Variants in RASGRF2 observed in about 807,000 individuals in gnomAD.
RASGRF2 encodes the protein Ras protein specific guanine nucleotide releasing factor 2.
Under a neutral mutation model 151.0 loss-of-function variants are expected in RASGRF2, and 76 were observed. That is an observed-to-expected ratio of 0.50 (90% CI 0.42 to 0.61). The LOEUF is 0.61. Among genes scored for constraint, RASGRF2 ranks in the 20% least tolerant of loss-of-function variants. RASGRF2 has a pLI of 0.00. For missense variants in RASGRF2, 1,148 were observed against 1,564.6 expected (o/e 0.73, Z 4.49); for synonymous variants, 504 against 566.5 (o/e 0.89, Z 1.57).
In RASGRF2 at chr5:80,960,655, G is replaced by T; in HGVS notation, c.-84G>T. 1 of 1,232,920 alleles carries T rather than the reference G, an allele frequency of 8.1e-7. No homozygotes were observed. The highest frequency in any genetic ancestry group is 1.0e-6 in the Non-Finnish European group (1 of 963,876). 76.4% of individuals were successfully genotyped at this position (1,232,920 alleles called of 1,614,324 possible). ...TTCGCCGGCCGGGACCTGAGCGGTC[G>T]CGCCCTCGAGGGAGCCAGCTGGGCC... On this transcript the variant is annotated 5_prime_UTR_variant, in exon 1 of 27. Coordinates refer to ENST00000265080, the MANE Select transcript of RASGRF2 (RefSeq NM_006909.3). This position sits in a 1 kb window ranked among gnomAD's most constrained non-coding sequence, Gnocchi z 5.5.
chr5:81,104,168 T>C (rs1752778982), intron 12 of RASGRF2, among the ~76,000 whole-genome samples: 1 of 152,122 alleles, frequency 6.6e-6, no homozygotes, highest in South Asian at 2.1e-4. Flanking sequence ...TTTACATCCT[T>C]AACAGAAAAA....
intron 15 of RASGRF2, among the ~76,000 whole-genome samples, chr5:81,123,075 G>A (rs1057196507): frequency 6.6e-6 from 1 of 152,158 alleles, no homozygotes; most frequent in African/African-American, 2.4e-5. Flanking sequence ...TCAATGTAGT[G>A]CAAGTGGGAA....
chr5:81,207,177 C>A, intron 20 of RASGRF2, 69 bp from the exon 21 acceptor site: 1 of 1,311,622 alleles, frequency 7.6e-7, no homozygotes, highest in South Asian at 1.3e-5. Context: ...CTGTCTGCCT[C>A]ACTGACCTGC....
At chr5:81,139,813 T>C (rs1026169473) in intron 17 of RASGRF2, among the ~76,000 whole-genome samples, 1 of 152,072 alleles carries the variant, frequency 6.6e-6, no homozygotes, top group Non-Finnish European at 1.5e-5. Flanking sequence ...CACATCCCAT[T>C]GGAATTCAGA....
intron 1 of RASGRF2, among the ~76,000 whole-genome samples, chr5:81,026,555 G>T (rs1318101305): frequency 2.0e-5 from 3 of 152,150 alleles, no homozygotes; most frequent in Non-Finnish European, 2.9e-5. Flanking sequence ...AAACAGAAAA[G>T]AAATAAGTAG....
At chr5:81,005,762 G>A (rs1749248393) in intron 1 of RASGRF2, among the ~76,000 whole-genome samples, 1 of 152,124 alleles carries the variant, frequency 6.6e-6, no homozygotes, top group African/African-American at 2.4e-5. Context: ...ACTGAAGAGT[G>A]GAGAGACATA....
intron 1 of RASGRF2, among the ~76,000 whole-genome samples, chr5:80,983,458 C>T (rs1253395785): frequency 2.6e-5 from 4 of 152,220 alleles, no homozygotes; most frequent in Non-Finnish European, 5.9e-5. Flanking sequence ...TGCTCTTCAT[C>T]CTGAGGATGT....
chr5:81,025,947 C>G (rs1301739133), intron 1 of RASGRF2, among the ~76,000 whole-genome samples: 5 of 151,604 alleles, frequency 3.3e-5, no homozygotes, highest in Non-Finnish European at 7.4e-5. Context: ...CCTCCCTCCC[C>G]ACACGGCCCT....
chr5:81,217,206 C>G (rs142510330), intron 24 of RASGRF2, 150 bp from the exon 25 acceptor site: 2 of 1,148,892 alleles, frequency 1.7e-6, no homozygotes, highest in African/African-American at 3.1e-5. Context: ...TAAAATTCTG[C>G]GTATTATGAA....
At chr5:81,136,062 G>T (rs1753745617) in intron 17 of RASGRF2, among the ~76,000 whole-genome samples, 1 of 152,158 alleles carries the variant, frequency 6.6e-6, no homozygotes, top group Non-Finnish European at 1.5e-5. Context: ...GCCCAGGCTG[G>T]AGTGCAGTGG....
chr5:81,007,020 C>T (rs1230011800), intron 1 of RASGRF2, among the ~76,000 whole-genome samples: 1 of 152,184 alleles, frequency 6.6e-6, no homozygotes, highest in Admixed American at 6.5e-5. Flanking sequence ...ATCTCCCTTT[C>T]TCCTCAGAAG....
chr5:81,170,192 T>TTATCACCTGCACCACCTG (rs1288504704), intron 17 of RASGRF2, among the ~76,000 whole-genome samples: 5 of 150,524 alleles, frequency 3.3e-5, no homozygotes, highest in Middle Eastern at 7.1e-3. Context: ...TGCACCACTG[T>TTATCACCTGCACCACCTG]TATCACCTGC....
intron 16 of RASGRF2, among the ~76,000 whole-genome samples, chr5:81,125,220 T>G (rs1006804707): frequency 1.3e-5 from 2 of 152,110 alleles, no homozygotes; most frequent in Non-Finnish European, 2.9e-5. Flanking sequence ...TAGGCATGCT[T>G]CAAATAGGGC....
intron 17 of RASGRF2, among the ~76,000 whole-genome samples, chr5:81,148,100 C>T (rs528308030): frequency 1.3e-5 from 2 of 152,250 alleles, no homozygotes; most frequent in South Asian, 4.2e-4. Flanking sequence ...CGAAGACCTA[C>T]GTATTCATTA....
intron 12 of RASGRF2, among the ~76,000 whole-genome samples, chr5:81,095,869 A>G (rs1752534035): frequency 6.6e-6 from 1 of 152,184 alleles, no homozygotes; most frequent in South Asian, 2.1e-4. Context: ...TGAAATAGAA[A>G]ATGAATGTCA....
intron 18 of RASGRF2, among the ~76,000 whole-genome samples, chr5:81,198,718 C>A (rs896604286): frequency 2.8e-4 from 43 of 152,334 alleles, no homozygotes; most frequent in Admixed American, 9.1e-4. Flanking sequence ...GGATTACAGG[C>A]GTGAGCCACC....
At position 80,960,637 on chromosome 5, in the gene RASGRF2, G is replaced by T. The variant is rs965912468; in HGVS notation, c.-102G>T. 1.9e-5 allele frequency: 21 copies of T among 1,126,082 alleles called. No individual in the cohort carries two copies. The highest frequency in any genetic ancestry group is 8.1e-5 in the African/African-American group (5 of 61,718). The allele number at this position is 1,126,082 out of a possible 1,614,324, so 69.8% of individuals were successfully genotyped here. On this transcript the variant is annotated 5_prime_UTR_variant, in exon 1 of 27. Transcript: ENST00000265080. This position sits in a 1 kb window ranked among gnomAD's most constrained non-coding sequence, Gnocchi z 5.5. ...TGGGGAAAGGGGGCGCCCTTCGCCG[G>T]CCGGGACCTGAGCGGTCGCGCCCTC...
intron 1 of RASGRF2, among the ~76,000 whole-genome samples, chr5:81,011,879 C>T (rs1749474292): frequency 6.6e-6 from 1 of 152,040 alleles, no homozygotes; most frequent in African/African-American, 2.4e-5. Context: ...ATTATATATA[C>T]ATAGACATTA....
intron 25 of RASGRF2, among the ~76,000 whole-genome samples, chr5:81,219,062 A>G (rs1302150650): frequency 6.6e-6 from 1 of 151,446 alleles, no homozygotes; most frequent in African/African-American, 2.4e-5. Context: ...GCTTCTTGCT[A>G]AACAGCCAGG....
Sources: gnomAD v4.1 joint callset for allele counts (sites outside exome capture counted in the v4.1 genomes callset) on GRCh38, gnomAD v4.1.1 for gene constraint, Gnocchi (gnomAD v3.1) non-coding constraint, MANE v1.5 for transcripts, NCBI Gene and HGNC (gene_info 2026-07-23, HGNC 2026-07-21) for gene names.